UBE4B: variants seen among roughly 807,000 people sequenced by gnomAD.
UBE4B encodes ubiquitin conjugation factor E4 B.
Under a neutral mutation model 148.1 loss-of-function variants are expected in UBE4B, and 27 were observed. The ratio of observed to expected loss-of-function variants is 0.18; its 90% CI spans 0.13 to 0.25. The LOEUF (loss-of-function observed/expected upper bound fraction) is 0.25. Ranked by LOEUF, UBE4B falls within the 10% of genes least tolerant of loss-of-function variation. The probability of loss-of-function intolerance (pLI) is 1.00; values close to 1 mark genes in which losing one functional copy is unlikely to be tolerated. For synonymous variants in UBE4B, 596 were observed against 619.3 expected (o/e 0.96, Z 0.56); for missense variants, 1,170 against 1,662.4 (o/e 0.70, Z 5.15).
intron 2 of UBE4B, among the ~76,000 whole-genome samples, chr1:10,080,819 A>G (rs1644666213): frequency 6.6e-6 from 1 of 152,216 alleles, no homozygotes. Context: ...CAGAAAGGCA[A>G]ATATTGCATG....
chr1:10,059,457 C>G, intron 1 of UBE4B: 1 of 213,706 alleles, frequency 4.7e-6, no homozygotes, highest in Admixed American at 4.3e-5. Flanking sequence ...CTCCTGGCAG[C>G]AGCTTTTCTG....
chr1:10,111,753 T>TCAAG (rs1411565131), intron 7 of UBE4B, among the ~76,000 whole-genome samples: 1 of 152,042 alleles, frequency 6.6e-6, no homozygotes, highest in Non-Finnish European at 1.5e-5. Context: ...GGTCAGGAGT[T>TCAAG]CAAGACAAGC....
chr1:10,173,285 T>C (rs1262712132), intron 25 of UBE4B, among the ~76,000 whole-genome samples: 2 of 151,968 alleles, frequency 1.3e-5, no homozygotes. Flanking sequence ...ACGACCATCC[T>C]GGCTAACACG....
intron 25 of UBE4B, among the ~76,000 whole-genome samples, chr1:10,172,314 C>A (rs1646351088): frequency 6.6e-6 from 1 of 152,188 alleles, no homozygotes; most frequent in Non-Finnish European, 1.5e-5. Flanking sequence ...ATTAACTGTA[C>A]ACCTCATTTC....
intron 2 of UBE4B, among the ~76,000 whole-genome samples, chr1:10,076,487 A>G (rs1469657879): frequency 4.0e-5 from 6 of 151,228 alleles, no homozygotes; most frequent in Non-Finnish European, 7.4e-5. Context: ...CAGGTGATCC[A>G]CCTGCCTCGG....
At position 10,161,423 on chromosome 1, in the gene UBE4B, A is replaced by T. The variant is rs57761656; in HGVS notation, c.3198+137A>T. On this transcript the variant is annotated intron_variant, in intron 23 of 27. Coordinates refer to ENST00000343090, the MANE Select transcript of UBE4B (RefSeq NM_001105562.3). The surrounding 1 kb of genome is among the most constrained non-coding windows in gnomAD (Gnocchi z 4.1). ...GCTGGGATTTTCCTTCCATGAAATCATATTGCAGGATTGGAATAGGAAAAT... is the reference window on the plus strand; with the variant it reads ...GCTGGGATTTTCCTTCCATGAAATCTTATTGCAGGATTGGAATAGGAAAAT... 449 of 1,045,554 alleles carry T rather than the reference A, an allele frequency of 4.3e-4. 1 individual carries two copies. Among genetic ancestry groups the T allele is most frequent in the Non-Finnish European group, 5.8e-4 (437 of 753,170 alleles). 64.8% of individuals were successfully genotyped at this position (1,045,554 alleles called of 1,614,324 possible).
chr1:10,090,303 A>G (rs1195249673), intron 2 of UBE4B, among the ~76,000 whole-genome samples: 3 of 152,072 alleles, frequency 2.0e-5, no homozygotes, highest in Non-Finnish European at 4.4e-5. Context: ...TATTTTTCAT[A>G]GAGACGGGGT....
chr1:10,106,076 G>T lies in UBE4B; in HGVS notation c.810-121G>T. ...ATTATAATTATTTAGATGTTTATCT[G>T]CTAGATATACTTGAACTGAAATGAT... On this transcript the variant is annotated intron_variant, in intron 6 of 27. Transcript: ENST00000343090. This position sits in a 1 kb window ranked among gnomAD's most constrained non-coding sequence, Gnocchi z 4.2. The T allele has an allele frequency of 8.6e-7, 1 of 1,157,304 alleles. No individual in the cohort carries two copies. The highest frequency in any genetic ancestry group is 1.2e-6 in the Non-Finnish European group (1 of 832,126). 71.7% of individuals were successfully genotyped at this position (1,157,304 alleles called of 1,614,324 possible).
chr1:10,162,173 A>G (rs181052402), intron 23 of UBE4B, among the ~76,000 whole-genome samples: 13 of 150,822 alleles, frequency 8.6e-5, no homozygotes, highest in South Asian at 6.3e-4. Context: ...TAGTTTTTGT[A>G]TTTTGTTTGT....
chr1:10,041,296 C>G (rs939091072), intron 1 of UBE4B, among the ~76,000 whole-genome samples: 2 of 84,320 alleles, frequency 2.4e-5, no homozygotes, highest in Non-Finnish European at 4.1e-5. Context: ...ACCTCTAAAA[C>G]AAGACTTAAC....
intron 25 of UBE4B, among the ~76,000 whole-genome samples, chr1:10,175,544 G>A (rs372328995): frequency 5.2e-4 from 79 of 152,046 alleles, no homozygotes; most frequent in Middle Eastern, 3.4e-3. Context: ...CCAGCTACTC[G>A]GGAGGCTGAG....
intron 25 of UBE4B, among the ~76,000 whole-genome samples, 171 bp downstream of exon 25, chr1:10,171,500 T>G (rs1557616108): frequency 6.6e-6 from 1 of 152,066 alleles, no homozygotes; most frequent in Non-Finnish European, 1.5e-5. Context: ...AATCCCAACA[T>G]TCTGGGAGGC....
chr1:10,147,075 A>T lies in UBE4B; in HGVS notation c.2576A>T (p.Asp859Val), dbSNP rs1238567744. 2.5e-6 allele frequency: 4 copies of T among 1,613,882 alleles called. No homozygotes were observed. The highest frequency in any genetic ancestry group is 3.4e-6 in the Non-Finnish European group (4 of 1,179,930). Residue 859 changes from aspartate to valine, a missense_variant, in exon 19 of 28, where the codon GAC (aspartate) becomes GTC (valine). Asp to Val is a radical substitution (Grantham distance 152). Around this residue, in one of 6 missense-constraint regions of UBE4B, gnomAD observed 348 missense variants for 627.2 expected, o/e 0.55. Transcript: ENST00000343090. ...LLIQLLLRILDPAYPDITLPL... is the reference protein window; with the variant it reads ...LLIQLLLRILVPAYPDITLPL... The stretch of plus-strand genomic sequence containing the variant: ...ATTCAGCTGCTGCTCCGCATCCTGG[A>T]CCCCGCATATCCCGAGTGAGTGTGC...
chr1:10,060,703 C>T lies in UBE4B; in HGVS notation c.25-11325C>T, dbSNP rs140763917. 9.0e-4 allele frequency among the ~76,000 whole-genome samples: 137 copies of T among 152,170 alleles called. No individual in the cohort carries two copies. The East Asian group carries it at 0.011, about 12-fold the overall frequency. ...CATTCTTTAACACCTTGACTTCTAACGGTAGAGGTTCATTTTGCTGTGTAT... is the reference window on the plus strand; with the variant it reads ...CATTCTTTAACACCTTGACTTCTAATGGTAGAGGTTCATTTTGCTGTGTAT... On this transcript the variant is annotated intron_variant, in intron 1 of 27. Transcript: ENST00000343090.
intron 22 of UBE4B, 77 bp downstream of exon 22, chr1:10,158,559 A>G (rs1217096672): frequency 6.5e-7 from 1 of 1,545,348 alleles, no homozygotes; most frequent in East Asian, 2.3e-5. Context: ...AAGCATGCAC[A>G]GCTGGGTTCT....
At chr1:10,067,871 GT>G (rs1177261744) in intron 1 of UBE4B, among the ~76,000 whole-genome samples, 1 of 151,868 alleles carries the variant, frequency 6.6e-6, no homozygotes, top group Non-Finnish European at 1.5e-5. Context: ...TGGACTACAG[GT>G]GGCCACCACC....
intron 21 of UBE4B, among the ~76,000 whole-genome samples, chr1:10,153,282 G>T (rs1237994755): frequency 6.6e-6 from 1 of 151,538 alleles, no homozygotes; most frequent in East Asian, 1.9e-4. Flanking sequence ...AAGGTGGGAG[G>T]ATTGTTTGAG....
chr1:10,175,895 T>TA (rs1457673542), intron 25 of UBE4B, among the ~76,000 whole-genome samples: 24 of 152,292 alleles, frequency 1.6e-4, no homozygotes, highest in Non-Finnish European at 1.3e-4. Flanking sequence ...TTGTGGCATG[T>TA]AGTACAGTCA....
chr1:10,117,522 C>T lies in UBE4B; in HGVS notation c.1260C>T (p.Thr420=). ...ACAGTGACCATTTCACCATTGAAAC[C>T]TGCAAAGAGACAGATATGCTGAACT... ...DSYSDHFTIE[T]CKETDMLNYL... The change falls in exon 8 of 28, where the codon ACC becomes ACT. Residue 420 remains threonine, a synonymous_variant. Transcript: ENST00000343090. 1 of 1,612,626 alleles carries T rather than the reference C, an allele frequency of 6.2e-7. No individual in the cohort carries two copies. Among genetic ancestry groups the T allele is most frequent in the Non-Finnish European group, 8.5e-7 (1 of 1,179,642 alleles).
Sources: allele counts gnomAD v4.1 joint callset (sites outside exome capture counted in the v4.1 genomes callset), GRCh38; gene constraint gnomAD v4.1.1; regional missense constraint gnomAD v4.1.1; non-coding constraint Gnocchi (gnomAD v3.1); transcripts MANE v1.5; gene names NCBI Gene and HGNC (gene_info 2026-07-23, HGNC 2026-07-21).